The following SCN8A variants were observed in gnomAD, a reference collection of about 807,000 sequenced individuals.
SCN8A encodes sodium voltage-gated channel alpha subunit 8, also known as sodium channel protein type 8 subunit alpha.
Under a neutral mutation model 184.1 loss-of-function variants are expected in SCN8A, and 30 were observed. The observed-to-expected ratio is 0.16, with a 90% CI of 0.12 to 0.22. The LOEUF (loss-of-function observed/expected upper bound fraction) is 0.22, where lower values mean the gene tolerates loss of function less well. Among genes scored for constraint, SCN8A ranks in the 10% least tolerant of loss-of-function variants. The pLI is 1.00. For synonymous variants in SCN8A, 852 were observed against 907.0 expected (o/e 0.94, Z 1.09); for missense variants, 1,057 against 2,498.9 (o/e 0.42, Z 12.30).
intron 19 of SCN8A, among the ~76,000 whole-genome samples, chr12:51,771,921 G>A (rs192212223): frequency 1.2e-4 from 18 of 152,290 alleles, no homozygotes; most frequent in Admixed American, 3.9e-4. Context: ...TAAACAGTAT[G>A]ACCCATCATT....
Position 51,730,197 on chromosome 12 carries a change from T to C in SCN8A, c.1998+8289T>C, listed in dbSNP as rs555295010. ...CTGAGTTTTACATTCAGGTCTCCAA[T>C]TTATCTCAAATTAATTTTTGTGTGT... On this transcript the variant is annotated intron_variant, in intron 12 of 26. Transcript: ENST00000627620. 4.1e-4 allele frequency among the ~76,000 whole-genome samples: 63 copies of C among 152,312 alleles called. No homozygotes were observed. In the South Asian group the frequency reaches 8.9e-3, roughly 22 times the overall value.
rs190325351 is a variant in SCN8A, at chr12:51,605,589, T to C, written c.-55+14230T>C. ...AGTATCTTTTTCATATAATGACTTC[T>C]TTTCCTCTGGGTGGATACCCAGTAG... is the stretch of plus-strand genomic sequence containing the variant. On this transcript the variant is annotated intron_variant, in intron 1 of 26. Transcript: ENST00000627620. Among the ~76,000 whole-genome samples, 6 of 152,362 alleles carry C rather than the reference T, an allele frequency of 3.9e-5. No homozygotes were observed. In the East Asian group the frequency reaches 1.2e-3, roughly 29 times the overall value.
chr12:51,687,231 CCTTA>C lies in SCN8A; in HGVS notation c.614+16_614+19del, dbSNP rs763512423. 3 of 1,612,890 alleles carry C rather than the reference CCTTA, an allele frequency of 1.9e-6. No homozygotes were observed. The highest frequency in any genetic ancestry group is 1.1e-5 in the South Asian group (1 of 91,000). On this transcript the variant is annotated intron_variant, in intron 5 of 26. Coordinates refer to ENST00000627620, the MANE Select transcript of SCN8A (RefSeq NM_001330260.2). ...GTCATCATGATGGCGTAAGTTCTCCCCTTACTTTATTGGTGTTCTGGGTGTGATT... is the reference window on the plus strand; with the variant it reads ...GTCATCATGATGGCGTAAGTTCTCCCCTTTATTGGTGTTCTGGGTGTGATT...
chr12:51,779,173 T>C (rs143305124), intron 20 of SCN8A, among the ~76,000 whole-genome samples: 2,330 of 149,082 alleles, frequency 0.016, 58 homozygotes, highest in African/African-American at 0.051. Flanking sequence ...TGAGCCAAGA[T>C]TGTGCCATTG....
At chr12:51,741,283 C>T (rs1197683636) in intron 12 of SCN8A, among the ~76,000 whole-genome samples, 2 of 152,116 alleles carry the variant, frequency 1.3e-5, no homozygotes, top group Admixed American at 6.5e-5. Flanking sequence ...GCTACTACTT[C>T]TGCTCTTTTT....
chr12:51,696,628 A>G (rs1164867131), intron 6 of SCN8A, among the ~76,000 whole-genome samples: 1 of 152,208 alleles, frequency 6.6e-6, no homozygotes, highest in African/African-American at 2.4e-5. Flanking sequence ...TTTGGAGAAG[A>G]TTCTTCAGCT....
chr12:51,623,365 G>A (rs573084964), intron 1 of SCN8A, among the ~76,000 whole-genome samples: 1 of 152,236 alleles, frequency 6.6e-6, no homozygotes, highest in Admixed American at 6.5e-5. Flanking sequence ...ACTCAGTACT[G>A]CAGAGTTCAT....
At chr12:51,626,562 C>G (rs973611489) in intron 1 of SCN8A, among the ~76,000 whole-genome samples, 4 of 152,102 alleles carry the variant, frequency 2.6e-5, no homozygotes, top group Non-Finnish European at 5.9e-5. Flanking sequence ...ATTAATTAAG[C>G]AAACATTTAT....
At chr12:51,605,508 G>T (rs1245406173) in intron 1 of SCN8A, among the ~76,000 whole-genome samples, 1 of 152,130 alleles carries the variant, frequency 6.6e-6, no homozygotes, top group Non-Finnish European at 1.5e-5. Flanking sequence ...TGGGCATTTG[G>T]GTTAGTTCCA....
intron 1 of SCN8A, among the ~76,000 whole-genome samples, chr12:51,623,600 C>G (rs1940010331): frequency 6.6e-6 from 1 of 152,110 alleles, no homozygotes; most frequent in Admixed American, 6.6e-5. Flanking sequence ...AGTTGTCAGT[C>G]AAAACACTAT....
intron 6 of SCN8A, among the ~76,000 whole-genome samples, chr12:51,692,076 T>G (rs551710179): frequency 6.6e-6 from 1 of 152,290 alleles, no homozygotes; most frequent in East Asian, 1.9e-4. Flanking sequence ...TATACCAAGT[T>G]TTCTCGTGGA....
chr12:51,713,578 G>A, intron 11 of SCN8A: 1 of 703,374 alleles, frequency 1.4e-6, no homozygotes, highest in Admixed American at 2.1e-5. Flanking sequence ...GTCGGACTGG[G>A]GGCGACCAGG....
intron 2 of SCN8A, among the ~76,000 whole-genome samples, chr12:51,664,526 T>C (rs906484006): frequency 6.6e-6 from 1 of 152,048 alleles, no homozygotes; most frequent in African/African-American, 2.4e-5. Flanking sequence ...TACATTTTTA[T>C]TTTTTAGTAA....
chr12:51,686,009 C>T (rs1294130558), intron 3 of SCN8A, among the ~76,000 whole-genome samples: 3 of 152,144 alleles, frequency 2.0e-5, no homozygotes. Flanking sequence ...TATCTGACAA[C>T]TTTGGTTGAG....
chr12:51,794,394 T>C lies in SCN8A; in HGVS notation c.4548T>C (p.Phe1516=), dbSNP rs367943033. 3.1e-6 allele frequency: 5 copies of C among 1,611,802 alleles called. No individual in the cohort carries two copies. The highest frequency in any genetic ancestry group is 4.2e-6 in the Non-Finnish European group (5 of 1,178,244). Residue 1516 remains phenylalanine (F), a synonymous_variant, in exon 26 of 27, where the codon TTT becomes TTC. Transcript: ENST00000627620. ...AGAACAAAATCCAAGGAATCGTCTT[T>C]GATTTTGTCACTCAGCAAGCCTTTG... ...RPLNKIQGIV[F]DFVTQQAFDI...
intron 21 of SCN8A, among the ~76,000 whole-genome samples, chr12:51,784,039 G>A (rs1294322082): frequency 6.6e-6 from 1 of 152,124 alleles, no homozygotes; most frequent in Non-Finnish European, 1.5e-5. Flanking sequence ...GAGAAGAGAG[G>A]ATCAAATTCA....
intron 8 of SCN8A, among the ~76,000 whole-genome samples, chr12:51,701,747 T>C (rs10876206): frequency 0.17 from 26,319 of 152,104 alleles, 2,991 homozygotes; most frequent in Non-Finnish European, 0.25. Context: ...AGGGTTACTG[T>C]AAGGATCCAC....
intron 14 of SCN8A, among the ~76,000 whole-genome samples, chr12:51,754,214 C>A (rs541402243): frequency 6.6e-6 from 1 of 152,098 alleles, no homozygotes; most frequent in South Asian, 2.1e-4. Context: ...TGTAATGATT[C>A]TTTTCCTGCC....
chr12:51,641,621 G>A (rs776282231), intron 1 of SCN8A, among the ~76,000 whole-genome samples: 4 of 152,190 alleles, frequency 2.6e-5, no homozygotes, highest in Non-Finnish European at 5.9e-5. Flanking sequence ...TGCCTTGCTT[G>A]TATTTGGAGA....
Sources: allele counts gnomAD v4.1 joint callset (sites outside exome capture counted in the v4.1 genomes callset), GRCh38; gene constraint gnomAD v4.1.1; transcripts MANE v1.5; gene names NCBI Gene and HGNC (gene_info 2026-07-23, HGNC 2026-07-21).